Variants in TMEM254 observed in about 807,000 individuals in gnomAD.
TMEM254 encodes transmembrane protein 254.
TMEM254 carries 16 observed loss-of-function variants against 13.9 expected under a neutral mutation model. The observed-to-expected ratio is 1.15, with a 90% CI of 0.78 to 1.75. The LOEUF is 1.75. TMEM254 is among the 40% of genes most tolerant of loss of function. The probability of loss-of-function intolerance (pLI) is 0.00; values close to 1 mark genes in which losing one functional copy is unlikely to be tolerated. For missense variants in TMEM254, 155 were observed against 149.0 expected, an observed-to-expected ratio of 1.04 and a Z score of -0.21; for synonymous variants, 61 against 56.4, an observed-to-expected ratio of 1.08 and a Z score of -0.36.
chr10:80,089,970 A>G (rs977106825), intron 3 of TMEM254, among the ~76,000 whole-genome samples: 35 of 148,954 alleles, frequency 2.3e-4, no homozygotes, highest in African/African-American at 7.5e-4. Context: ...GCGCCACTGC[A>G]CTCCAGCCTG....
At chr10:80,088,299 G>A (rs1293141217) in intron 3 of TMEM254, among the ~76,000 whole-genome samples, 2 of 152,032 alleles carry the variant, frequency 1.3e-5, no homozygotes, top group Non-Finnish European at 2.9e-5. Flanking sequence ...TTGTTCAATA[G>A]GATTGCCTTT....
In TMEM254 at chr10:80,091,077, A is replaced by G. The variant is rs975040504; in HGVS notation, c.*160A>G. On this transcript the variant is annotated 3_prime_UTR_variant, in exon 4 of 4. Transcript: ENST00000372281. ...CTCGTTAGTCAGTTTTTTCTCTTAT[A>G]TGCTCTGGTTGAGCTTGAATAGACC... 1.7e-5 allele frequency: 15 copies of G among 860,176 alleles called. No homozygotes were observed. The African/African-American group carries it at 2.2e-4, about 13-fold the overall frequency. The allele number at this position is 860,176 out of a possible 1,614,324, so 53.3% of individuals were successfully genotyped here.
intron 3 of TMEM254, among the ~76,000 whole-genome samples, chr10:80,083,040 C>G (rs1440155775): frequency 1.3e-5 from 2 of 150,592 alleles, no homozygotes; most frequent in African/African-American, 4.9e-5. Context: ...ATGTCAGAGA[C>G]TGCTAAGTAT....
rs1843792431 is a variant in TMEM254 at position 80,078,918 on chromosome 10, CGG to C, written c.87+133_87+134del. 3 of 1,521,574 alleles carry C rather than the reference CGG, an allele frequency of 2.0e-6. No homozygotes were observed. In the East Asian group the frequency reaches 7.4e-5, roughly 38 times the overall value. The allele number at this position is 1,521,574 out of a possible 1,614,324, so 94.3% of individuals were successfully genotyped here. ...AATCCCGACTCCCGCGCGCTAGGAG[CGG>C]AGGGGAGGGGACCAGACTCCGCAAT... is the stretch of plus-strand genomic sequence containing the variant. On this transcript the variant is annotated intron_variant, in intron 1 of 3. Transcript: ENST00000372281.
chr10:80,091,076 T>C lies in TMEM254; in HGVS notation c.*159T>C. On this transcript the variant is annotated 3_prime_UTR_variant, in exon 4 of 4. Coordinates refer to ENST00000372281, the MANE Select transcript of TMEM254 (RefSeq NM_025125.4). ...CCTCGTTAGTCAGTTTTTTCTCTTA[T>C]ATGCTCTGGTTGAGCTTGAATAGAC... 1.2e-6 allele frequency: 1 copy of C among 864,128 alleles called. No individual in the cohort carries two copies. Among genetic ancestry groups the C allele is most frequent in the Non-Finnish European group, 1.7e-6 (1 of 577,974 alleles). The allele number at this position is 864,128 out of a possible 1,614,324, so 53.5% of individuals were successfully genotyped here. A position where few individuals can be genotyped will look rare whatever the true frequency, so the allele number is the denominator to read the frequency against.
rs773868764 is a variant in TMEM254, at chr10:80,091,807, A to C, written c.*890A>C. 6 of 152,238 alleles carry C rather than the reference A, an allele frequency of 3.9e-5. No homozygotes were observed. Among genetic ancestry groups the C allele is most frequent in the Non-Finnish European group, 8.8e-5 (6 of 68,040 alleles). The allele number at this position is 152,238 out of a possible 1,614,324, so 9.4% of individuals were successfully genotyped here. On this transcript the variant is annotated 3_prime_UTR_variant, in exon 4 of 4. Transcript: ENST00000372281. ...CATTATCATTCCAATTTTTATGTGA[A>C]AATGGCACAACCCATTTGGGGTACC...
chr10:80,081,035 G>A (rs1056637156), intron 1 of TMEM254, among the ~76,000 whole-genome samples: 2 of 152,140 alleles, frequency 1.3e-5, no homozygotes, highest in South Asian at 4.1e-4. Flanking sequence ...AGCCGAGATC[G>A]TGCCACTGCA....
At chr10:80,083,179 T>C (rs1482513798) in intron 3 of TMEM254, among the ~76,000 whole-genome samples, 1 of 147,358 alleles carries the variant, frequency 6.8e-6, no homozygotes, top group Non-Finnish European at 1.5e-5. Flanking sequence ...CAATCTTGGC[T>C]CCCTGCAATC....
rs192425451 is a variant in TMEM254, at chr10:80,082,829, T to C, written c.251+625T>C. Among the ~76,000 whole-genome samples the C allele has an allele frequency of 1.4e-3, 208 of 152,308 alleles. 2 individuals carry two copies. The highest frequency in any genetic ancestry group is 2.6e-3 in the Non-Finnish European group (176 of 68,028). On this transcript the variant is annotated intron_variant, in intron 3 of 3. Coordinates refer to ENST00000372281, the MANE Select transcript of TMEM254 (RefSeq NM_025125.4). ...ATATAAGCATATACAGAAAGTATGG[T>C]ACAATGAAAAACATGGTTATGGAAA...
chr10:80,083,910 C>G (rs1486198252), intron 3 of TMEM254, among the ~76,000 whole-genome samples: 1 of 151,972 alleles, frequency 6.6e-6, no homozygotes, highest in Non-Finnish European at 1.5e-5. Context: ...AACCCCATCT[C>G]TACTAAAAAT....
rs1844312280 is a variant in TMEM254, at chr10:80,086,332, C to T, written c.251+4128C>T. 4.3e-6 allele frequency: 5 copies of T among 1,161,878 alleles called. No individual in the cohort carries two copies. In the African/African-American group the frequency reaches 6.5e-5, roughly 15 times the overall value. 72.0% of individuals were successfully genotyped at this position (1,161,878 alleles called of 1,614,324 possible). A position where few individuals can be genotyped will look rare whatever the true frequency, so the allele number is the denominator to read the frequency against. ...GGGTTACCTAGCCACCAACTGTGACCCTTCTGAAGGAGGAGGAAACAAGCA... is the reference window on the plus strand; with the variant it reads ...GGGTTACCTAGCCACCAACTGTGACTCTTCTGAAGGAGGAGGAAACAAGCA... On this transcript the variant is annotated intron_variant, in intron 3 of 3. Coordinates refer to ENST00000372281, the MANE Select transcript of TMEM254 (RefSeq NM_025125.4).
intron 1 of TMEM254, chr10:80,079,068 T>C: frequency 2.1e-6 from 3 of 1,450,940 alleles, no homozygotes; most frequent in Non-Finnish European, 2.8e-6. Context: ...CAACTCTGTG[T>C]CTGGGTTTTT....
At chr10:80,082,722 C>T (rs1452765268) in intron 3 of TMEM254, among the ~76,000 whole-genome samples, 1 of 152,080 alleles carries the variant, frequency 6.6e-6, no homozygotes, top group African/African-American at 2.4e-5. Context: ...AGTTAAAAGC[C>T]CCCAAACCAG....
intron 3 of TMEM254, among the ~76,000 whole-genome samples, chr10:80,087,759 A>C (rs1368306281): frequency 6.6e-6 from 1 of 152,162 alleles, no homozygotes; most frequent in African/African-American, 2.4e-5. Context: ...GATAGTGCCC[A>C]TTTCCCCACA....
In TMEM254 at chr10:80,090,716, AATATAT is replaced by A. The variant is rs1051181771; in HGVS notation, c.252-75_252-70del. On this transcript the variant is annotated intron_variant, in intron 3 of 3. Transcript: ENST00000372281. ...AAGTAGTGGAAGGTATAATTTAAAA[AATATAT>A]ATATAGAAGACAATAACTCCCATGA... 3 of 1,339,492 alleles carry A rather than the reference AATATAT, an allele frequency of 2.2e-6. No individual in the cohort carries two copies. In the African/African-American group the frequency reaches 4.5e-5, roughly 20 times the overall value. 83.0% of individuals were successfully genotyped at this position (1,339,492 alleles called of 1,614,324 possible).
chr10:80,086,245 G>T, intron 3 of TMEM254: 1 of 1,476,228 alleles, frequency 6.8e-7, no homozygotes, highest in Non-Finnish European at 8.9e-7. Flanking sequence ...AATGAGCTAA[G>T]AATACGGATA....
chr10:80,089,576 G>C (rs1412818782), intron 3 of TMEM254, among the ~76,000 whole-genome samples: 2 of 152,178 alleles, frequency 1.3e-5, no homozygotes, highest in East Asian at 3.9e-4. Flanking sequence ...TACTTGGGAA[G>C]CTAAGGTGGG....
chr10:80,081,673 AAAG>A (rs987452287), intron 1 of TMEM254, 165 bp from the exon 2 acceptor site: 40 of 1,447,632 alleles, frequency 2.8e-5, no homozygotes, highest in Middle Eastern at 1.8e-4. Flanking sequence ...GTCAAAAAAA[AAAG>A]AAAGAAAGAA....
At chr10:80,086,307 G>A (rs1450487489) in intron 3 of TMEM254, 7 of 1,382,230 alleles carry the variant, frequency 5.1e-6, no homozygotes, top group Non-Finnish European at 6.6e-6. Context: ...ACCCTTCTCC[G>A]GGTTACCTAG....
Sources: allele counts gnomAD v4.1 joint callset (sites outside exome capture counted in the v4.1 genomes callset), GRCh38; gene constraint gnomAD v4.1.1; transcripts MANE v1.5; gene names NCBI Gene and HGNC (gene_info 2026-07-23, HGNC 2026-07-21).